The following MUC13 variants were observed in gnomAD, a reference collection of about 807,000 sequenced individuals.
The protein encoded by MUC13 is mucin-13.
In MUC13, 32 loss-of-function variants were observed where a neutral mutation model predicts 48.3. That is an observed-to-expected ratio of 0.66 (90% CI 0.50 to 0.89). The LOEUF (loss-of-function observed/expected upper bound fraction) is 0.89. Among genes scored for constraint, MUC13 ranks in the 40% least tolerant of loss-of-function variants. The pLI, the probability that MUC13 is intolerant of heterozygous loss-of-function variation, is 0.00. For synonymous variants in MUC13, 199 were observed against 224.9 expected, an observed-to-expected ratio of 0.88 and a Z score of 1.03; for missense variants, 571 against 622.8, an observed-to-expected ratio of 0.92 and a Z score of 0.88.
At chr3:124,920,512 A>C (rs1185203080) in intron 4 of MUC13, among the ~76,000 whole-genome samples, 3 of 152,066 alleles carry the variant, frequency 2.0e-5, no homozygotes, top group Non-Finnish European at 2.9e-5. Context: ...TATTTTCCTA[A>C]CTCTACTCTA....
intron 6 of MUC13, among the ~76,000 whole-genome samples, chr3:124,915,015 C>T (rs778682423): frequency 1.1e-4 from 17 of 152,022 alleles, no homozygotes; most frequent in Non-Finnish European, 1.6e-4. Context: ...GGCACGAAGG[C>T]GATTAGGAGA....
At chr3:124,918,439 A>G (rs1324429954) in intron 5 of MUC13, among the ~76,000 whole-genome samples, 1 of 152,206 alleles carries the variant, frequency 6.6e-6, no homozygotes, top group Non-Finnish European at 1.5e-5. Flanking sequence ...GGGATCCCCC[A>G]AATGACCTTG....
At chr3:124,921,528 C>T (rs1030561769) in intron 4 of MUC13, among the ~76,000 whole-genome samples, 1 of 152,162 alleles carries the variant, frequency 6.6e-6, no homozygotes, top group African/African-American at 2.4e-5. Context: ...ATTGGCTGGA[C>T]ATGCTCTGAG....
chr3:124,907,171 T>G (rs1474674456), intron 11 of MUC13, among the ~76,000 whole-genome samples: 1 of 152,230 alleles, frequency 6.6e-6, no homozygotes, highest in East Asian at 1.9e-4. Flanking sequence ...AAGCTATCTT[T>G]TATTATTATT....
rs146047942 is a variant in MUC13 at position 124,925,709 on chromosome 3, G to T, written c.514+1823C>A. Among the ~76,000 whole-genome samples the T allele has an allele frequency of 4.8e-3, 732 of 152,300 alleles. 6 individuals carry two copies. The highest frequency in any genetic ancestry group is 0.016 in the African/African-American group (685 of 41,574). Reference sequence around the variant, plus strand: ...GCTGGCTGCAACCTCTGCCTCCCAGGCTTGAGTGATACTCCCACTTCAGCC... The same window carrying T: ...GCTGGCTGCAACCTCTGCCTCCCAGTCTTGAGTGATACTCCCACTTCAGCC... On this transcript the variant is annotated intron_variant, in intron 2 of 11. Transcript: ENST00000616727.
chr3:124,933,187 C>T (rs949925269), intron 1 of MUC13, among the ~76,000 whole-genome samples: 15 of 152,260 alleles, frequency 9.9e-5, no homozygotes, highest in African/African-American at 3.4e-4. Context: ...ATCCTGATGC[C>T]ATTCATTCCA....
chr3:124,930,672 G>A (rs1230106193), intron 1 of MUC13, among the ~76,000 whole-genome samples: 1 of 152,170 alleles, frequency 6.6e-6, no homozygotes, highest in African/African-American at 2.4e-5. Flanking sequence ...TATATGCCCT[G>A]ACCTGGTTTC....
rs746903851 is a variant in MUC13 at position 124,927,945 on chromosome 3, G to T, written c.101C>A (p.Ala34Glu). The change falls in exon 2 of 12, where the codon GCG (alanine) becomes GAG (glutamate). Residue 34 changes from alanine to glutamate, a missense_variant. Transcript: ENST00000616727. ...SADAVTTTETATSGPTVAAAD... is the reference protein window; with the variant it reads ...SADAVTTTETETSGPTVAAAD... The stretch of plus-strand genomic sequence containing the variant: ...TGCAGCTACTGTAGGACCACTAGTC[G>T]CAGTTTCTGTGGTTGTTACAGCATC... 4.6e-5 allele frequency: 73 copies of T among 1,584,300 alleles called. 1 individual carries two copies. In the Middle Eastern group the frequency reaches 5.1e-4, roughly 11 times the overall value.
rs775784924 is a variant in MUC13, at chr3:124,927,521, A to C, written c.514+11T>G. Reference sequence around the variant, plus strand: ...CCATCCTTGGGGAGTCTTTGAGGGAATTGTCCTTACCTGTGCTGTTTAGGG... The same window carrying C: ...CCATCCTTGGGGAGTCTTTGAGGGACTTGTCCTTACCTGTGCTGTTTAGGG... On this transcript the variant is annotated intron_variant, in intron 2 of 11. Transcript: ENST00000616727. 1 of 1,610,904 alleles carries C rather than the reference A, an allele frequency of 6.2e-7. No homozygotes were observed. Among genetic ancestry groups the C allele is most frequent in the Non-Finnish European group, 8.5e-7 (1 of 1,177,674 alleles).
intron 11 of MUC13, 35 bp downstream of exon 11, chr3:124,908,112 C>T (rs1579360421): frequency 1.9e-6 from 3 of 1,610,052 alleles, no homozygotes; most frequent in Non-Finnish European, 2.5e-6. Flanking sequence ...GGTGCATTCA[C>T]TCCCAAAAGC....
intron 2 of MUC13, among the ~76,000 whole-genome samples, chr3:124,926,920 T>C (rs1935696837): frequency 6.6e-6 from 1 of 152,236 alleles, no homozygotes; most frequent in African/African-American, 2.4e-5. Flanking sequence ...AAATGGTTCC[T>C]GTTTCATTAA....
intron 1 of MUC13, among the ~76,000 whole-genome samples, chr3:124,933,957 C>T (rs778023817): frequency 1.3e-5 from 2 of 152,202 alleles, no homozygotes; most frequent in Non-Finnish European, 2.9e-5. Flanking sequence ...GTGACAATTA[C>T]TCCCTATGGT....
In MUC13 at chr3:124,923,658, G is replaced by C. The variant is rs559801520; in HGVS notation, c.515-9C>G. On this transcript the variant is annotated splice_polypyrimidine_tract_variant and intron_variant, in intron 2 of 11. Transcript: ENST00000616727. ...GCAAGGATTGCTGGGACCTTAGATGGAGTAGAAAGAGATTAGAAATCCAGA... is the reference window on the plus strand; with the variant it reads ...GCAAGGATTGCTGGGACCTTAGATGCAGTAGAAAGAGATTAGAAATCCAGA... 22 of 1,601,192 alleles carry C rather than the reference G, an allele frequency of 1.4e-5. No homozygotes were observed. In the South Asian group the frequency reaches 2.2e-4, roughly 16 times the overall value.
chr3:124,910,516 A>G lies in MUC13; in HGVS notation c.1253-17T>C. On this transcript the variant is annotated splice_polypyrimidine_tract_variant and intron_variant, in intron 9 of 11. Transcript: ENST00000616727. ...GCTGAAATTCTGAAAGGAAGAAGAA[A>G]ATAAGAACAGTCTCCAACAAGCTGG... 6.2e-7 allele frequency: 1 copy of G among 1,613,858 alleles called. No individual in the cohort carries two copies. Among genetic ancestry groups the G allele is most frequent in the African/African-American group, 1.3e-5 (1 of 75,038 alleles).
At chr3:124,912,193 C>A in intron 8 of MUC13, 52 bp from the exon 9 acceptor site, 4 of 1,599,696 alleles carry the variant, frequency 2.5e-6, no homozygotes, top group Non-Finnish European at 3.4e-6. Context: ...CTGTGGGGAG[C>A]ATGTCAGAGT....
intron 5 of MUC13, among the ~76,000 whole-genome samples, chr3:124,918,124 G>A (rs1935537107): frequency 6.6e-6 from 1 of 152,196 alleles, no homozygotes; most frequent in Non-Finnish European, 1.5e-5. Flanking sequence ...GTTTTAAAGA[G>A]AGAAATTCTG....
chr3:124,928,220 C>T (rs770459892), intron 1 of MUC13, among the ~76,000 whole-genome samples: 2 of 151,352 alleles, frequency 1.3e-5, no homozygotes, highest in African/African-American at 2.4e-5. Context: ...CCAGCCTCAA[C>T]TCATTCTTTT....
At position 124,906,695 on chromosome 3, in the gene MUC13, G is replaced by A. The variant is rs1935324706; in HGVS notation, c.*48C>T. 1 of 152,106 alleles carries A rather than the reference G, an allele frequency of 6.6e-6. No individual in the cohort carries two copies. The highest frequency in any genetic ancestry group is 2.1e-4 in the South Asian group (1 of 4,822). 9.4% of individuals were successfully genotyped at this position (152,106 alleles called of 1,614,324 possible). Reference sequence around the variant, plus strand: ...GTCTTTCTAAACACTCTAAATAATAGCTTGTACATTGGTTGGGGGCCATGG... The same window carrying A: ...GTCTTTCTAAACACTCTAAATAATAACTTGTACATTGGTTGGGGGCCATGG... On this transcript the variant is annotated 3_prime_UTR_variant, in exon 12 of 12. Transcript: ENST00000616727.
intron 5 of MUC13, 32 bp from the exon 6 acceptor site, chr3:124,916,512 A>G: frequency 3.2e-6 from 5 of 1,580,116 alleles, no homozygotes; most frequent in Non-Finnish European, 4.3e-6. Flanking sequence ...CACTTAATGA[A>G]TTGAACTGAA....
Sources: allele counts gnomAD v4.1 joint callset (sites outside exome capture counted in the v4.1 genomes callset), GRCh38; gene constraint gnomAD v4.1.1; transcripts MANE v1.5; gene names NCBI Gene and HGNC (gene_info 2026-07-23, HGNC 2026-07-21).